AGBL4: variants seen among roughly 807,000 people sequenced by gnomAD.
The protein encoded by AGBL4 is cytosolic carboxypeptidase 6.
In AGBL4, 58 loss-of-function variants were observed where a neutral mutation model predicts 66.4. The observed-to-expected ratio is 0.87, with a 90% CI of 0.71 to 1.09. The LOEUF (loss-of-function observed/expected upper bound fraction) is 1.09, where lower values mean the gene tolerates loss of function less well. Among genes scored for constraint, AGBL4 ranks in the 50% least tolerant of loss-of-function variants. The probability of loss-of-function intolerance (pLI) is 0.00; values close to 1 mark genes in which losing one functional copy is unlikely to be tolerated. For missense variants in AGBL4, 579 were observed against 631.0 expected (o/e 0.92, Z 0.88); for synonymous variants, 234 against 222.9 (o/e 1.05, Z -0.44).
rs186016642 is a variant in AGBL4 at position 48,925,544 on chromosome 1, C to T, written c.595-58314G>A. Among the ~76,000 whole-genome samples, 361 of 152,030 alleles carry T rather than the reference C, an allele frequency of 2.4e-3. 3 individuals carry two copies. The highest frequency in any genetic ancestry group is 8.2e-3 in the African/African-American group (340 of 41,494). On this transcript the variant is annotated intron_variant, in intron 5 of 13. Coordinates refer to ENST00000371839, the MANE Select transcript of AGBL4 (RefSeq NM_032785.4). ...TTTTTTTTAAAAGCTCATCAGCTATCGTTAGTGTTAGTGTATTTTATGTGT... is the reference window on the plus strand; with the variant it reads ...TTTTTTTTAAAAGCTCATCAGCTATTGTTAGTGTTAGTGTATTTTATGTGT...
At chr1:49,936,730 C>A (rs1355979580) in intron 1 of AGBL4, among the ~76,000 whole-genome samples, 1 of 151,976 alleles carries the variant, frequency 6.6e-6, no homozygotes, top group Non-Finnish European at 1.5e-5. Context: ...TCATATCCAG[C>A]CAAACTAAGC....
At chr1:49,690,725 C>A (rs189400419) in intron 3 of AGBL4, among the ~76,000 whole-genome samples, 7 of 152,162 alleles carry the variant, frequency 4.6e-5, no homozygotes, top group African/African-American at 1.7e-4. Flanking sequence ...CAAATGAGAA[C>A]CTGTGTTATA....
intron 2 of AGBL4, 121 bp downstream of exon 2, chr1:49,851,275 T>C: frequency 2.6e-6 from 3 of 1,142,562 alleles, no homozygotes; most frequent in Non-Finnish European, 3.4e-6. Context: ...ATAAAACTTG[T>C]CCCATTATTG....
At chr1:49,000,818 T>C (rs540053191) in intron 5 of AGBL4, among the ~76,000 whole-genome samples, 17 of 152,346 alleles carry the variant, frequency 1.1e-4, no homozygotes, top group African/African-American at 3.8e-4. Context: ...TGCCTATTTC[T>C]GGCCGGATGT....
chr1:49,513,634 T>A (rs1372337827), intron 3 of AGBL4, among the ~76,000 whole-genome samples: 1 of 152,066 alleles, frequency 6.6e-6, no homozygotes, highest in Non-Finnish European at 1.5e-5. Context: ...TTCCTATGTT[T>A]ATAGAAAGAC....
intron 5 of AGBL4, among the ~76,000 whole-genome samples, chr1:49,009,055 C>CA (rs1481990085): frequency 6.7e-6 from 1 of 150,198 alleles, no homozygotes; most frequent in Non-Finnish European, 1.5e-5. Flanking sequence ...AATAGAGACA[C>CA]AAAAAACCCT....
intron 9 of AGBL4, among the ~76,000 whole-genome samples, chr1:48,601,957 G>A (rs1321362458): frequency 6.6e-6 from 1 of 152,080 alleles, no homozygotes; most frequent in Non-Finnish European, 1.5e-5. Flanking sequence ...ACTAAGAAGA[G>A]GACTGAGATA....
chr1:49,671,452 A>T (rs1646474637), intron 3 of AGBL4, among the ~76,000 whole-genome samples: 1 of 152,198 alleles, frequency 6.6e-6, no homozygotes, highest in Admixed American at 6.6e-5. Flanking sequence ...AGACATCAAA[A>T]GCGATAACAA....
chr1:49,802,140 A>C (rs1427306869), intron 2 of AGBL4, among the ~76,000 whole-genome samples: 24 of 152,184 alleles, frequency 1.6e-4, no homozygotes, highest in Non-Finnish European at 2.9e-5. Context: ...CAGAGAGCCT[A>C]TGAATGGACG....
intron 2 of AGBL4, among the ~76,000 whole-genome samples, chr1:49,793,074 C>T (rs1195440158): frequency 6.6e-6 from 1 of 151,984 alleles, no homozygotes; most frequent in East Asian, 1.9e-4. Flanking sequence ...GTCCATTACT[C>T]TCTATCCTCT....
chr1:49,247,142 T>A (rs941229450), intron 3 of AGBL4, among the ~76,000 whole-genome samples: 6 of 152,056 alleles, frequency 3.9e-5, no homozygotes, highest in Non-Finnish European at 8.8e-5. Flanking sequence ...TACTCTTGAG[T>A]TAATCACTAA....
At chr1:49,790,633 T>C (rs751803389) in intron 2 of AGBL4, among the ~76,000 whole-genome samples, 1 of 152,124 alleles carries the variant, frequency 6.6e-6, no homozygotes, top group Admixed American at 6.5e-5. Flanking sequence ...CAAAAAATCA[T>C]TTCAATCCAG....
intron 5 of AGBL4, among the ~76,000 whole-genome samples, chr1:49,008,341 T>C (rs1181187375): frequency 1.3e-5 from 2 of 151,914 alleles, no homozygotes; most frequent in Non-Finnish European, 2.9e-5. Flanking sequence ...CCTAAATATA[T>C]ATGCACCCAA....
chr1:48,924,763 T>A (rs1654389313), intron 5 of AGBL4, among the ~76,000 whole-genome samples: 1 of 152,144 alleles, frequency 6.6e-6, no homozygotes, highest in Non-Finnish European at 1.5e-5. Flanking sequence ...ATGTGTCTCA[T>A]CTCTGACTCC....
intron 6 of AGBL4, among the ~76,000 whole-genome samples, chr1:48,738,303 A>G (rs553290629): frequency 6.6e-6 from 1 of 152,256 alleles, no homozygotes; most frequent in African/African-American, 2.4e-5. Context: ...TGCTGCAGGC[A>G]ATCAGATAAC....
intron 5 of AGBL4, among the ~76,000 whole-genome samples, chr1:49,026,032 C>T (rs1446110195): frequency 6.6e-6 from 1 of 152,016 alleles, no homozygotes; most frequent in Non-Finnish European, 1.5e-5. Context: ...GCCTCTACTA[C>T]CACAAATCAG....
chr1:48,847,978 C>T lies in AGBL4; in HGVS notation c.634+19213G>A, dbSNP rs192151671. On this transcript the variant is annotated intron_variant, in intron 6 of 13. Coordinates refer to ENST00000371839, the MANE Select transcript of AGBL4 (RefSeq NM_032785.4). ...CACACCCACTCACTGTTGGCATTGT[C>T]TCATCAGAAGAACTGCCACTTGTAG... Among the ~76,000 whole-genome samples the T allele has an allele frequency of 1.7e-4, 26 of 152,294 alleles. No individual in the cohort carries two copies. In the East Asian group the frequency reaches 4.8e-3, roughly 28 times the overall value.
intron 3 of AGBL4, among the ~76,000 whole-genome samples, chr1:49,550,936 A>G (rs761566629): frequency 1.5e-4 from 23 of 152,042 alleles, no homozygotes; most frequent in Non-Finnish European, 3.1e-4. Flanking sequence ...AACACCAATT[A>G]TTCTTAGGTT....
chr1:49,421,802 A>G (rs1056817870), intron 3 of AGBL4, among the ~76,000 whole-genome samples: 1 of 152,060 alleles, frequency 6.6e-6, no homozygotes, highest in African/African-American at 2.4e-5. Flanking sequence ...ATGAAATCCT[A>G]GATTTGTCTG....
Sources: allele counts gnomAD v4.1 joint callset (sites outside exome capture counted in the v4.1 genomes callset), GRCh38; gene constraint gnomAD v4.1.1; transcripts MANE v1.5; gene names NCBI Gene and HGNC (gene_info 2026-07-23, HGNC 2026-07-21).